UTP15: variants seen among roughly 807,000 people sequenced by gnomAD.
UTP15 encodes the protein U3 small nucleolar RNA-associated protein 15 homolog.
Under a neutral mutation model 59.1 loss-of-function variants are expected in UTP15, and 5 were observed. The observed-to-expected ratio is 0.08, with a 90% CI of 0.04 to 0.18. The LOEUF (loss-of-function observed/expected upper bound fraction) is 0.18, where lower values mean the gene tolerates loss of function less well. UTP15 is among the 10% of genes least tolerant of loss of function. UTP15 has a pLI of 1.00. For synonymous variants in UTP15, 211 were observed against 212.2 expected (o/e 0.99, Z 0.05); for missense variants, 494 against 616.7 (o/e 0.80, Z 2.11).
chr5:73,579,251 A>C (rs1338081098), intron 11 of UTP15, 66 bp from the exon 12 acceptor site: 1 of 1,594,588 alleles, frequency 6.3e-7, no homozygotes, highest in African/African-American at 1.4e-5. Context: ...CTGATGAAAC[A>C]AATCTGTTTT....
In UTP15 at chr5:73,582,366, GAGT is replaced by G. The variant is rs1458211080; in HGVS notation, c.*2274_*2276del. 6.6e-6 allele frequency: 1 copy of G among 152,170 alleles called. No homozygotes were observed. Among genetic ancestry groups the G allele is most frequent in the Admixed American group, 6.6e-5 (1 of 15,242 alleles). The allele number at this position is 152,170 out of a possible 1,614,324, so 9.4% of individuals were successfully genotyped here. ...CATAGCCATCAATACTTAAATTCAGGAGTACTTTTTTGTTTGTTTGTTTTGTTT... is the reference window on the plus strand; with the variant it reads ...CATAGCCATCAATACTTAAATTCAGGACTTTTTTGTTTGTTTGTTTTGTTT... On this transcript the variant is annotated 3_prime_UTR_variant, in exon 13 of 13. Coordinates refer to ENST00000296792, the MANE Select transcript of UTP15 (RefSeq NM_032175.4).
intron 12 of UTP15, 35 bp downstream of exon 12, chr5:73,579,410 G>A: frequency 1.3e-6 from 2 of 1,492,398 alleles, no homozygotes; most frequent in East Asian, 2.3e-5. Flanking sequence ...ATCCTAACAT[G>A]CTTGCAAAAG....
rs1212203343 is a variant in UTP15, at chr5:73,565,823, GCTGAACTGTGCAGGGT to G, written c.-172_-157del. 1 of 456,188 alleles carries G rather than the reference GCTGAACTGTGCAGGGT, an allele frequency of 2.2e-6. No homozygotes were observed. The highest frequency in any genetic ancestry group is 6.9e-5 in the East Asian group (1 of 14,406). 28.3% of individuals were successfully genotyped at this position (456,188 alleles called of 1,614,324 possible). A position where few individuals can be genotyped will look rare whatever the true frequency, so the allele number is the denominator to read the frequency against. On this transcript the variant is annotated 5_prime_UTR_variant, in exon 1 of 13. Coordinates refer to ENST00000296792, the MANE Select transcript of UTP15 (RefSeq NM_032175.4). Reference sequence around the variant, plus strand: ...TCCATGTGATTTTTACGCCAGTGCTGCTGAACTGTGCAGGGTAGGGAGCTGGCACAGTCCGATTAAT... The same window carrying G: ...TCCATGTGATTTTTACGCCAGTGCTGAGGGAGCTGGCACAGTCCGATTAAT...
intron 7 of UTP15, among the ~76,000 whole-genome samples, chr5:73,576,128 A>T (rs1203011897): frequency 1.3e-5 from 2 of 148,882 alleles, no homozygotes; most frequent in Non-Finnish European, 3.0e-5. Flanking sequence ...TTTTTGAAAC[A>T]GAGTCTTACT....
At chr5:73,574,842 T>C (rs1011792793) in intron 7 of UTP15, among the ~76,000 whole-genome samples, 6 of 152,332 alleles carry the variant, frequency 3.9e-5, no homozygotes, top group South Asian at 4.1e-4. Context: ...TCTGCTCTTA[T>C]GAAAAACTTT....
At position 73,572,530 on chromosome 5, in the gene UTP15, C is replaced by G. The variant is rs1285849290; in HGVS notation, c.715C>G (p.Gln239Glu). ...AGTCTGGGACATGTTAAAAGGAGGA[C>G]AATTGCTAGTATCTTTGAAAAATCA... ...VKVWDMLKGG[Q>E]LLVSLKNHHK... Residue 239 changes from glutamine (Q) to glutamate (E), a missense_variant, in exon 7 of 13, where the codon CAA becomes GAA. Physicochemically the swap from Gln to Glu is conservative, Grantham distance 29. Transcript: ENST00000296792. 6.2e-7 allele frequency: 1 copy of G among 1,614,104 alleles called. No individual in the cohort carries two copies. The highest frequency in any genetic ancestry group is 1.7e-5 in the Admixed American group (1 of 60,018).
At chr5:73,576,845 A>C in intron 7 of UTP15, 107 bp from the exon 8 acceptor site, 1 of 729,450 alleles carries the variant, frequency 1.4e-6, no homozygotes, top group South Asian at 1.9e-5. Flanking sequence ...GTTTTTCTTC[A>C]CTGTTGTACA....
chr5:73,567,534 A>C, intron 2 of UTP15, 100 bp downstream of exon 2: 1 of 810,266 alleles, frequency 1.2e-6, no homozygotes, highest in South Asian at 2.5e-5. Context: ...TTATTAACTG[A>C]AAACCATCTA....
At position 73,580,119 on chromosome 5, in the gene UTP15, A is replaced by G. The variant is rs1561281128; in HGVS notation, c.*25A>G. ...GTGTCTGCTAAATAAGACATATAAG[A>G]ACTCTGAAGTTGGAATAGATTTGAC... On this transcript the variant is annotated 3_prime_UTR_variant, in exon 13 of 13. Coordinates refer to ENST00000296792, the MANE Select transcript of UTP15 (RefSeq NM_032175.4). 6.3e-7 allele frequency: 1 copy of G among 1,589,842 alleles called. No homozygotes were observed. The highest frequency in any genetic ancestry group is 2.2e-5 in the East Asian group (1 of 44,620).
intron 9 of UTP15, 192 bp downstream of exon 9, chr5:73,578,197 A>G (rs1459738487): frequency 3.7e-6 from 2 of 541,422 alleles, no homozygotes; most frequent in South Asian, 2.3e-5. Context: ...TACTTTATGT[A>G]ATACTCTGCA....
chr5:73,570,751 T>G, intron 6 of UTP15, 40 bp downstream of exon 6: 3 of 1,604,388 alleles, frequency 1.9e-6, no homozygotes, highest in Non-Finnish European at 2.6e-6. Context: ...TTGTTGGTTT[T>G]GAATCACGTT....
chr5:73,577,137 C>A (rs1748127788), intron 8 of UTP15, 101 bp downstream of exon 8: 1 of 847,594 alleles, frequency 1.2e-6, no homozygotes, highest in Non-Finnish European at 1.9e-6. Flanking sequence ...AGTAACTTTT[C>A]TTGCCACATC....
At chr5:73,567,553 T>C in intron 2 of UTP15, 119 bp downstream of exon 2, 1 of 685,318 alleles carries the variant, frequency 1.5e-6, no homozygotes, top group Non-Finnish European at 2.3e-6. Context: ...TATCAGCAGC[T>C]TATAGTTTGG....
chr5:73,567,387 C>A lies in UTP15; in HGVS notation c.43C>A (p.Leu15Ile), dbSNP rs375454234. ...TGTAGCTATTCAGACATATCCTATACTTGGTGAAAAAATCACCCAAGATAC... is the reference window on the plus strand; with the variant it reads ...TGTAGCTATTCAGACATATCCTATAATTGGTGAAAAAATCACCCAAGATAC... ...KPVAIQTYPI[L>I]GEKITQDTLY... The change falls in exon 2 of 13, where the codon CTT becomes ATT. Residue 15 changes from leucine (L) to isoleucine (I), a missense_variant. Physicochemically the swap from Leu to Ile is conservative, Grantham distance 5 (BLOSUM62 2). Coordinates refer to ENST00000296792, the MANE Select transcript of UTP15 (RefSeq NM_032175.4). 1.2e-6 allele frequency: 2 copies of A among 1,609,720 alleles called. No individual in the cohort carries two copies. The highest frequency in any genetic ancestry group is 2.7e-5 in the African/African-American group (2 of 74,786).
At chr5:73,577,556 G>A (rs917909231) in intron 8 of UTP15, among the ~76,000 whole-genome samples, 2 of 152,108 alleles carry the variant, frequency 1.3e-5, no homozygotes, top group Non-Finnish European at 2.9e-5. Flanking sequence ...TTTTTGGGGG[G>A]CAAGATCATA....
Position 73,579,857 on chromosome 5 carries a change from TTTTC to T in UTP15, c.1340-14_1340-11del, listed in dbSNP as rs753885957. 26 of 1,538,436 alleles carry T rather than the reference TTTTC, an allele frequency of 1.7e-5. No individual in the cohort carries two copies. The highest frequency in any genetic ancestry group is 2.3e-5 in the East Asian group (1 of 44,024). ...TGGAAAGATATTGCTAGTTAATGTG[TTTTC>T]TTTCTCTCTTTTTAGATATATATCT... On this transcript the variant is annotated splice_polypyrimidine_tract_variant and intron_variant, in intron 12 of 12. Coordinates refer to ENST00000296792, the MANE Select transcript of UTP15 (RefSeq NM_032175.4).
intron 7 of UTP15, 86 bp downstream of exon 7, chr5:73,572,710 G>C: frequency 7.3e-7 from 1 of 1,374,220 alleles, no homozygotes; most frequent in Non-Finnish European, 1.0e-6. Context: ...CAATATTTGT[G>C]ATAAGTATAC....
intron 10 of UTP15, 39 bp from the exon 11 acceptor site, chr5:73,578,978 T>C (rs762626214): frequency 2.5e-6 from 4 of 1,595,016 alleles, no homozygotes; most frequent in Non-Finnish European, 3.4e-6. Context: ...TTTTTTGTGC[T>C]GTTTTGTCTA....
chr5:73,572,773 C>A, intron 7 of UTP15, 149 bp downstream of exon 7: 2 of 763,236 alleles, frequency 2.6e-6, no homozygotes, highest in Non-Finnish European at 4.0e-6. Context: ...TAGTTTTGAC[C>A]TTTTGTTTAC....
Sources: allele counts gnomAD v4.1 joint callset (sites outside exome capture counted in the v4.1 genomes callset), GRCh38; gene constraint gnomAD v4.1.1; transcripts MANE v1.5; gene names NCBI Gene and HGNC (gene_info 2026-07-23, HGNC 2026-07-21).